ARMC5: variants seen among roughly 807,000 people sequenced by gnomAD.
ARMC5 encodes armadillo repeat containing 5.
In ARMC5, 28 loss-of-function variants were observed where a neutral mutation model predicts 60.5. The ratio of observed to expected loss-of-function variants is 0.46; its 90% confidence interval spans 0.34 to 0.63. The LOEUF is 0.63. Among genes scored for constraint, ARMC5 ranks in the 30% least tolerant of loss-of-function variants. The probability of loss-of-function intolerance (pLI) is 0.01; values close to 1 mark genes in which losing one functional copy is unlikely to be tolerated. For missense variants in ARMC5, 1,189 were observed against 1,304.9 expected, an observed-to-expected ratio of 0.91 and a Z score of 1.37; for synonymous variants, 680 against 607.3, an observed-to-expected ratio of 1.12 and a Z score of -1.76.
chr16:31,464,324 C>A lies in ARMC5; in HGVS notation c.1371-70C>A. On this transcript the variant is annotated intron_variant, in intron 3 of 5. Coordinates refer to ENST00000268314, the MANE Select transcript of ARMC5 (RefSeq NM_001105247.2). The surrounding 1 kb of genome is among the most constrained non-coding windows in gnomAD (Gnocchi z 7.6). Reference sequence around the variant, plus strand: ...AAAAAAAAAAAAAAAAAAGACGCCTCACGCCTCTTGGACTCTGCCCCTTAA... The same window carrying A: ...AAAAAAAAAAAAAAAAAAGACGCCTAACGCCTCTTGGACTCTGCCCCTTAA... The A allele has an allele frequency of 5.4e-4, 448 of 835,470 alleles. No homozygotes were observed. The highest frequency in any genetic ancestry group is 7.1e-4 in the Non-Finnish European group (405 of 568,390). 51.8% of individuals were successfully genotyped at this position (835,470 alleles called of 1,614,324 possible).
At chr16:31,459,059 C>A, upstream of ARMC5, 2 of 1,502,996 alleles carry the variant, frequency 1.3e-6, no homozygotes, top group East Asian at 4.9e-5. Flanking sequence ...TTCGGCCCGG[C>A]TCGGGGTTCT....
chr16:31,466,471 C>G lies in ARMC5; in HGVS notation c.2390C>G (p.Pro797Arg). The change falls in exon 6 of 6, where the codon CCT (proline) becomes CGT (arginine). Residue 797 changes from proline to arginine, a missense_variant. Transcript: ENST00000268314. This position sits in a 1 kb window ranked among gnomAD's most constrained non-coding sequence, Gnocchi z 8.0. ...CTGGTGCCCCTGCGAGGTCTGTCGC[C>G]TGGTGCAGCCTGGCCTGTCCTGCAT... ...MDLVPLRGLS[P>R]GAAWPVLHHL... The G allele has an allele frequency of 6.2e-7, 1 of 1,611,418 alleles. No homozygotes were observed. Among genetic ancestry groups the G allele is most frequent in the Non-Finnish European group, 8.5e-7 (1 of 1,179,830 alleles).
At position 31,462,368 on chromosome 16, in the gene ARMC5, CTGAGCAGCTAA is replaced by C; in HGVS notation, c.822_832del (p.Glu275SerfsTer52). On this transcript the variant is annotated frameshift_variant, in exon 3 of 6. Coordinates refer to ENST00000268314, the MANE Select transcript of ARMC5 (RefSeq NM_001105247.2). LOFTEE classifies it high-confidence loss of function. This position sits in a 1 kb window ranked among gnomAD's most constrained non-coding sequence, Gnocchi z 7.2. ...AGCCGAGGCTGCTCCCGGGCCTGTG[CTGAGCAGCTAA>C]GTCTGGGTGGGGGATTGGGCCCACT... The C allele has an allele frequency of 6.2e-7, 1 of 1,609,824 alleles. No individual in the cohort carries two copies. Among genetic ancestry groups the C allele is most frequent in the Non-Finnish European group, 8.5e-7 (1 of 1,177,672 alleles).
chr16:31,459,719 C>T lies in ARMC5; in HGVS notation c.195C>T (p.Gly65=). ...AGGIERFRAR[G]GLRPLLALLR... ...GAATCGAGCGCTTCCGGGCACGCGG[C>T]GGGCTCCGCCCCCTACTCGCGCTGC... Residue 65 remains glycine (G), a synonymous_variant, in exon 1 of 6, where the codon GGC becomes GGT. Coordinates refer to ENST00000268314, the MANE Select transcript of ARMC5 (RefSeq NM_001105247.2). 6.4e-7 allele frequency: 1 copy of T among 1,557,170 alleles called. No individual in the cohort carries two copies. Among genetic ancestry groups the T allele is most frequent in the Non-Finnish European group, 8.6e-7 (1 of 1,162,698 alleles).
chr16:31,465,359 A>G, intron 4 of ARMC5: 1 of 1,374,724 alleles, frequency 7.3e-7, no homozygotes, highest in East Asian at 2.6e-5. Context: ...CGGGCATAAC[A>G]GAAGGCTCGC....
chr16:31,463,537 G>C (rs1053713709), intron 3 of ARMC5, among the ~76,000 whole-genome samples: 3 of 152,116 alleles, frequency 2.0e-5, no homozygotes, highest in Non-Finnish European at 4.4e-5. Context: ...CATCACTCAT[G>C]AGCTGAAGCA....
Position 31,466,817 on chromosome 16 carries a change from G to T in ARMC5, c.2736G>T (p.Glu912Asp). Reference protein sequence around the residue: ...LVGLVEAAGEEAGPLTEALLA... With the variant: ...LVGLVEAAGEDAGPLTEALLA... ...GGCTTGTGGAGGCAGCAGGTGAAGA[G>T]GCAGGGCCCCTGACGGAGGCTTTGC... The change falls in exon 6 of 6, where the codon GAG becomes GAT. Residue 912 changes from glutamate to aspartate, a missense_variant. Physicochemically the swap from Glu to Asp is conservative, Grantham distance 45. Coordinates refer to ENST00000268314, the MANE Select transcript of ARMC5 (RefSeq NM_001105247.2). This position sits in a 1 kb window ranked among gnomAD's most constrained non-coding sequence, Gnocchi z 8.0. 6.3e-7 allele frequency: 1 copy of T among 1,597,142 alleles called. No homozygotes were observed. The highest frequency in any genetic ancestry group is 1.1e-5 in the South Asian group (1 of 87,942).
upstream of ARMC5, chr16:31,458,681 A>C: frequency 6.9e-7 from 1 of 1,454,438 alleles, no homozygotes; most frequent in African/African-American, 1.4e-5. Flanking sequence ...AGCTGCCCCG[A>C]CCACACCAGG....
rs1163281224 is a variant in ARMC5, at chr16:31,462,644, G to A, written c.1097G>A (p.Arg366Gln). The A allele has an allele frequency of 3.1e-6, 5 of 1,613,600 alleles. No individual in the cohort carries two copies. Among genetic ancestry groups the A allele is most frequent in the Non-Finnish European group, 2.5e-6 (3 of 1,180,026 alleles). Reference protein sequence around the residue: ...CREAINRARLRDAGGLDLLMG... With the variant: ...CREAINRARLQDAGGLDLLMG... Reference sequence around the variant, plus strand: ...GAGGCCATCAACCGGGCCCGACTGCGGGATGCTGGTGGCTTGGATCTACTG... The same window carrying A: ...GAGGCCATCAACCGGGCCCGACTGCAGGATGCTGGTGGCTTGGATCTACTG... Residue 366 changes from arginine (R) to glutamine (Q), a missense_variant, in exon 3 of 6, where the codon CGG becomes CAG. Arg to Gln is a conservative substitution (Grantham distance 43, BLOSUM62 1). Transcript: ENST00000268314. The surrounding 1 kb of genome is among the most constrained non-coding windows in gnomAD (Gnocchi z 7.2).
In ARMC5 at chr16:31,466,155, G is replaced by T. The variant is rs201162311; in HGVS notation, c.2074G>T (p.Ala692Ser). Reference protein sequence around the residue: ...RLLLAALTRPAPHPLFLFFAA... With the variant: ...RLLLAALTRPSPHPLFLFFAA... Reference sequence around the variant, plus strand: ...CCTCCTTGCGGCGCTGACCCGGCCGGCCCCACACCCGCTCTTCCTCTTCTT... The same window carrying T: ...CCTCCTTGCGGCGCTGACCCGGCCGTCCCCACACCCGCTCTTCCTCTTCTT... Residue 692 changes from alanine to serine, a missense_variant, in exon 6 of 6, where the codon GCC (alanine) becomes TCC (serine). Ala to Ser is a moderately conservative substitution (Grantham distance 99, BLOSUM62 1). Transcript: ENST00000268314. This position sits in a 1 kb window ranked among gnomAD's most constrained non-coding sequence, Gnocchi z 8.0. 9.0e-4 allele frequency: 1,448 copies of T among 1,608,074 alleles called. No homozygotes were observed. The highest frequency in any genetic ancestry group is 1.2e-3 in the Non-Finnish European group (1,381 of 1,179,756).
intron 4 of ARMC5, chr16:31,465,367 C>T (rs1032840724): frequency 6.3e-5 from 85 of 1,352,658 alleles, no homozygotes; most frequent in East Asian, 3.9e-4. Context: ...ACAGAAGGCT[C>T]GCACTCTTGT....
Position 31,466,154 on chromosome 16 carries a change from G to T in ARMC5, c.2073G>T (p.Pro691=). ...TCCTCCTTGCGGCGCTGACCCGGCC[G>T]GCCCCACACCCGCTCTTCCTCTTCT... The part of the protein sequence containing the change: ...LRLLLAALTR[P]APHPLFLFFA... Residue 691 remains proline (P), a synonymous_variant, in exon 6 of 6, where the codon CCG becomes CCT. Coordinates refer to ENST00000268314, the MANE Select transcript of ARMC5 (RefSeq NM_001105247.2). The surrounding 1 kb of genome is among the most constrained non-coding windows in gnomAD (Gnocchi z 8.0). The T allele has an allele frequency of 6.2e-7, 1 of 1,607,958 alleles. No homozygotes were observed. The highest frequency in any genetic ancestry group is 1.1e-5 in the South Asian group (1 of 91,074).
intron 1 of ARMC5, among the ~76,000 whole-genome samples, chr16:31,461,436 C>G (rs1263815228): frequency 6.6e-6 from 1 of 152,204 alleles, no homozygotes; most frequent in Non-Finnish European, 1.5e-5. Flanking sequence ...TGCCTTCTCA[C>G]ACCCCCATCC....
At chr16:31,458,966 G>A (rs767784926), upstream of ARMC5, 1 of 1,535,646 alleles carries the variant, frequency 6.5e-7, no homozygotes, top group South Asian at 1.2e-5. Context: ...AAGCGGCAGC[G>A]AACGTTCTCG....
intron 1 of ARMC5, 101 bp from the exon 2 acceptor site, chr16:31,461,821 T>C: frequency 9.1e-7 from 1 of 1,094,406 alleles, no homozygotes. Context: ...CATTAGCCTC[T>C]TCTGAAAGCC....
At position 31,459,862 on chromosome 16, in the gene ARMC5, C is replaced by T; in HGVS notation, c.338C>T (p.Ala113Val). 6.2e-7 allele frequency: 1 copy of T among 1,601,122 alleles called. No individual in the cohort carries two copies. Among genetic ancestry groups the T allele is most frequent in the Middle Eastern group, 1.7e-4 (1 of 5,784 alleles). Residue 113 changes from alanine (A) to valine (V), a missense_variant, in exon 1 of 6, where the codon GCT becomes GTT. This residue lies in a region of ARMC5 where 327 missense variants were observed against 233.7 expected (regional missense o/e 1.40). Coordinates refer to ENST00000268314, the MANE Select transcript of ARMC5 (RefSeq NM_001105247.2). Reference protein sequence around the residue: ...PAPASGPAPSAVSSSSPTPPV... With the variant: ...PAPASGPAPSVVSSSSPTPPV... ...CCCGCGTCGGGCCCCGCCCCCTCCG[C>T]TGTGTCGTCGTCTAGTCCTACGCCG...
In ARMC5 at chr16:31,462,451, A is replaced by G; in HGVS notation, c.904A>G (p.Ile302Val). The G allele has an allele frequency of 6.2e-7, 1 of 1,612,796 alleles. No individual in the cohort carries two copies. The highest frequency in any genetic ancestry group is 8.5e-7 in the Non-Finnish European group (1 of 1,179,658). The change falls in exon 3 of 6, where the codon ATT (isoleucine) becomes GTT (valine). Residue 302 changes from isoleucine to valine, a missense_variant. Ile to Val is a conservative substitution (Grantham distance 29). Coordinates refer to ENST00000268314, the MANE Select transcript of ARMC5 (RefSeq NM_001105247.2). This position sits in a 1 kb window ranked among gnomAD's most constrained non-coding sequence, Gnocchi z 7.2. ...HPKRAVREGT[I>V]LILANLCAQG... is the part of the protein sequence containing the mutation. Reference sequence around the variant, plus strand: ...CAAGCGGGCAGTACGCGAGGGAACCATTCTGATCCTCGCCAACCTGTGTGC... The same window carrying G: ...CAAGCGGGCAGTACGCGAGGGAACCGTTCTGATCCTCGCCAACCTGTGTGC...
At chr16:31,460,291 G>T in intron 1 of ARMC5, 1 of 400,080 alleles carries the variant, frequency 2.5e-6, no homozygotes, top group Non-Finnish European at 4.5e-6. Context: ...GATTTTTTCA[G>T]ATGATTCTTA....
chr16:31,465,014 T>C (rs1462863157), intron 4 of ARMC5, 127 bp downstream of exon 4: 1 of 1,611,844 alleles, frequency 6.2e-7, no homozygotes, highest in African/African-American at 1.3e-5. Context: ...CCAGACAACC[T>C]GTCACCAGAG....
Sources: gnomAD v4.1 joint callset for allele counts (sites outside exome capture counted in the v4.1 genomes callset) on GRCh38, gnomAD v4.1.1 for gene constraint, gnomAD v4.1.1 regional missense constraint, Gnocchi (gnomAD v3.1) non-coding constraint, MANE v1.5 for transcripts, NCBI Gene and HGNC (gene_info 2026-07-23, HGNC 2026-07-21) for gene names.